The following THSD7B variants were observed in gnomAD, a reference collection of about 807,000 sequenced individuals.
The protein encoded by THSD7B is thrombospondin type-1 domain-containing protein 7B.
Under a neutral mutation model 213.6 loss-of-function variants are expected in THSD7B, and 138 were observed. The observed-to-expected ratio is 0.65, with a 90% CI of 0.56 to 0.74. The LOEUF (loss-of-function observed/expected upper bound fraction) is 0.74, where lower values mean the gene tolerates loss of function less well. Among genes scored for constraint, THSD7B ranks in the 30% least tolerant of loss-of-function variants. THSD7B has a pLI of 0.00. For synonymous variants in THSD7B, 742 were observed against 687.0 expected (o/e 1.08, Z -1.25); for missense variants, 1,931 against 1,991.5 (o/e 0.97, Z 0.58).
chr2:137,085,991 G>C (rs2195829), intron 3 of THSD7B, among the ~76,000 whole-genome samples: 59,455 of 152,060 alleles, frequency 0.39, 13,774 homozygotes, highest in African/African-American at 0.65. Context: ...CAACATCTAT[G>C]TACATATAAG....
At chr2:137,540,108 G>A (rs1429708606) in intron 15 of THSD7B, among the ~76,000 whole-genome samples, 1 of 151,586 alleles carries the variant, frequency 6.6e-6, no homozygotes, top group Non-Finnish European at 1.5e-5. Flanking sequence ...CAGATAATGA[G>A]CTCTTGTTGC....
chr2:137,261,915 C>CAAAA (rs369579882), intron 10 of THSD7B, among the ~76,000 whole-genome samples: 1 of 54,852 alleles, frequency 1.8e-5, no homozygotes, highest in African/African-American at 6.5e-5. Context: ...GAAAGTTTGT[C>CAAAA]AAAAAAAAAA....
At chr2:136,780,600 T>C (rs1681724009) in intron 1 of THSD7B, among the ~76,000 whole-genome samples, 1 of 152,242 alleles carries the variant, frequency 6.6e-6, no homozygotes, top group Non-Finnish European at 1.5e-5. Context: ...TGTTGACTTT[T>C]CATTTTCACT....
chr2:137,133,497 T>G (rs1456896796), intron 5 of THSD7B, among the ~76,000 whole-genome samples: 2 of 149,926 alleles, frequency 1.3e-5, no homozygotes, highest in Non-Finnish European at 3.0e-5. Context: ...ACCCAGGGAT[T>G]TTTTTTTTTA....
intron 15 of THSD7B, among the ~76,000 whole-genome samples, chr2:137,457,285 G>T (rs1687781998): frequency 6.6e-6 from 1 of 152,072 alleles, no homozygotes; most frequent in Admixed American, 6.6e-5. Context: ...TTTCATACTG[G>T]TTATTGCTAC....
At chr2:137,651,178 A>G (rs1420461455) in intron 21 of THSD7B, among the ~76,000 whole-genome samples, 2 of 152,070 alleles carry the variant, frequency 1.3e-5, no homozygotes, top group Non-Finnish European at 2.9e-5. Context: ...GTTTGGTAGA[A>G]TTCATTAATG....
At position 137,531,726 on chromosome 2, in the gene THSD7B, T is replaced by C. The variant is rs563347506; in HGVS notation, c.3139-31495T>C. On this transcript the variant is annotated intron_variant, in intron 15 of 27. Coordinates refer to ENST00000409968, the MANE Select transcript of THSD7B (RefSeq NM_001316349.2). ...TGCAGTTAACTGCAAGGGCTAGAGG[T>C]AAACTTAAGACAAAGGCATCTGTGT... is the stretch of plus-strand genomic sequence containing the variant. Among the ~76,000 whole-genome samples the C allele has an allele frequency of 2.6e-5, 4 of 152,088 alleles. No homozygotes were observed. The South Asian group carries it at 8.3e-4, about 32-fold the overall frequency.
At chr2:137,322,982 C>T (rs973586020) in intron 12 of THSD7B, among the ~76,000 whole-genome samples, 16 of 152,144 alleles carry the variant, frequency 1.1e-4, no homozygotes, top group Non-Finnish European at 2.9e-5. Context: ...AAAGCTCTAT[C>T]GACAGGACAG....
In THSD7B at chr2:137,597,468, G is replaced by GTT. The variant is rs5834565; in HGVS notation, c.3424-18695_3424-18694dup. The stretch of plus-strand genomic sequence containing the variant: ...GAAAAACAAAACCAAAAAAAAACCT[G>GTT]TTTTTTTTTTTTTAAGATGCTTTTG... On this transcript the variant is annotated intron_variant, in intron 17 of 27. Coordinates refer to ENST00000409968, the MANE Select transcript of THSD7B (RefSeq NM_001316349.2). Among the ~76,000 whole-genome samples the GTT allele has an allele frequency of 5.8e-3, 838 of 143,538 alleles. 5 individuals are homozygous for GTT. The highest frequency in any genetic ancestry group is 0.015 in the South Asian group (67 of 4,534). The allele number at this position is 143,538 out of a possible 152,430, so 94.2% of individuals were successfully genotyped here.
intron 12 of THSD7B, among the ~76,000 whole-genome samples, chr2:137,398,443 C>A (rs1485597559): frequency 6.6e-6 from 1 of 151,506 alleles, no homozygotes; most frequent in Non-Finnish European, 1.5e-5. Context: ...TCAGTGTGCC[C>A]CTGCTGGGGG....
intron 1 of THSD7B, among the ~76,000 whole-genome samples, chr2:136,824,471 C>A (rs1035734040): frequency 6.6e-6 from 1 of 151,978 alleles, no homozygotes; most frequent in Non-Finnish European, 1.5e-5. Context: ...CCAAAGTTAT[C>A]TTTTTAAAGG....
chr2:137,206,738 G>A (rs569630529), intron 7 of THSD7B, among the ~76,000 whole-genome samples: 56 of 152,146 alleles, frequency 3.7e-4, no homozygotes, highest in African/African-American at 1.3e-3. Flanking sequence ...TAAGGGCGAG[G>A]ATGCATTTTG....
intron 2 of THSD7B, among the ~76,000 whole-genome samples, chr2:136,970,619 T>C (rs1685389922): frequency 6.6e-6 from 1 of 151,848 alleles, no homozygotes; most frequent in Non-Finnish European, 1.5e-5. Context: ...ACTGAGAAAC[T>C]AAAGGAGAAA....
chr2:136,899,773 A>T (rs1210943944), intron 2 of THSD7B, among the ~76,000 whole-genome samples: 2 of 152,202 alleles, frequency 1.3e-5, no homozygotes, highest in African/African-American at 4.8e-5. Flanking sequence ...TAGAGTATTG[A>T]GTATTATAAG....
intron 1 of THSD7B, among the ~76,000 whole-genome samples, chr2:136,792,906 C>T (rs1336913523): frequency 1.3e-5 from 2 of 151,974 alleles, no homozygotes; most frequent in Non-Finnish European, 2.9e-5. Flanking sequence ...CATGTTATTG[C>T]ATTTATCAGT....
At chr2:137,481,547 A>G (rs1688306245) in intron 15 of THSD7B, among the ~76,000 whole-genome samples, 6 of 152,240 alleles carry the variant, frequency 3.9e-5, no homozygotes, top group Non-Finnish European at 8.8e-5. Context: ...TACCAAATAG[A>G]AAAAGTTTAG....
intron 2 of THSD7B, among the ~76,000 whole-genome samples, chr2:136,998,261 C>CAAAAAAAAAAAAAAAAAAAAAAAAAAAA (rs33931359): frequency 3.0e-5 from 3 of 98,406 alleles, no homozygotes; most frequent in South Asian, 3.5e-4. Flanking sequence ...ACTAAAAGGC[C>CAAAAAAAAAAAAAAAAAAAAAAAAAAAA]AAAAAAAAAA....
At chr2:137,284,903 A>G (rs1683131704) in intron 12 of THSD7B, among the ~76,000 whole-genome samples, 1 of 152,260 alleles carries the variant, frequency 6.6e-6, no homozygotes, top group Non-Finnish European at 1.5e-5. Context: ...AGTTCTGTAG[A>G]TGTCTATTAG....
intron 6 of THSD7B, among the ~76,000 whole-genome samples, chr2:137,161,409 T>G (rs987613270): frequency 6.6e-6 from 1 of 151,820 alleles, no homozygotes; most frequent in Non-Finnish European, 1.5e-5. Context: ...CACTTGATGC[T>G]AGCATGCTTG....
Sources: gnomAD v4.1 joint callset for allele counts (sites outside exome capture counted in the v4.1 genomes callset) on GRCh38, gnomAD v4.1.1 for gene constraint, MANE v1.5 for transcripts, NCBI Gene and HGNC (gene_info 2026-07-23, HGNC 2026-07-21) for gene names.